PDE8B: variants seen among roughly 807,000 people sequenced by gnomAD.
The protein encoded by PDE8B is phosphodiesterase 8B.
A neutral mutation model predicts 101.3 loss-of-function variants in PDE8B; 26 were observed. The ratio of observed to expected loss-of-function variants is 0.26; its 90% CI spans 0.19 to 0.36. The LOEUF is 0.36. PDE8B is among the 10% of genes least tolerant of loss of function. PDE8B has a pLI of 1.00. For synonymous variants in PDE8B, 424 were observed against 429.3 expected (o/e 0.99, Z 0.15); for missense variants, 810 against 1,163.1 (o/e 0.70, Z 4.42).
chr5:77,331,165 G>A (rs1275884726), intron 4 of PDE8B, among the ~76,000 whole-genome samples: 1 of 152,210 alleles, frequency 6.6e-6, no homozygotes, highest in African/African-American at 2.4e-5. Context: ...GTGTACTGAG[G>A]GTGATACCTC....
At chr5:77,195,858 CAG>C in the PDE8B span, among the ~76,000 whole-genome samples, 7 of 152,100 alleles carry the variant, frequency 4.6e-5, no homozygotes, top group African/African-American at 1.7e-4. Context: ...GTTGAGTAAA[CAG>C]AGGACAAGGA....
the PDE8B span, among the ~76,000 whole-genome samples, chr5:77,116,224 A>ATTTTTTTT: frequency 6.7e-5 from 4 of 59,610 alleles, no homozygotes; most frequent in African/African-American, 7.2e-5. Flanking sequence ...ATATATATAT[A>ATTTTTTTT]TTTTTTTTTT....
chr5:77,226,703 T>A (rs1752463715), intron 1 of PDE8B, among the ~76,000 whole-genome samples: 1 of 152,222 alleles, frequency 6.6e-6, no homozygotes, highest in South Asian at 2.1e-4. Context: ...GTTTAGTAAT[T>A]GTAAAATAGT....
At chr5:77,394,090 A>G (rs958920865) in intron 10 of PDE8B, among the ~76,000 whole-genome samples, 3 of 152,264 alleles carry the variant, frequency 2.0e-5, no homozygotes, top group African/African-American at 7.2e-5. Context: ...CCATAAAGTA[A>G]GAATACTCAT....
chr5:77,335,292 A>G (rs1777928949), intron 5 of PDE8B, among the ~76,000 whole-genome samples: 2 of 152,182 alleles, frequency 1.3e-5, no homozygotes, highest in African/African-American at 2.4e-5. Context: ...GAGTTCTGTT[A>G]TAGGCTGATA....
At chr5:77,266,864 C>T (rs1328171588) in intron 1 of PDE8B, among the ~76,000 whole-genome samples, 1 of 151,004 alleles carries the variant, frequency 6.6e-6, no homozygotes, top group East Asian at 1.9e-4. Flanking sequence ...TTTCTTGAAT[C>T]TGTTTTTTTT....
intron 1 of PDE8B, among the ~76,000 whole-genome samples, chr5:77,243,199 T>C (rs1304387153): frequency 6.6e-6 from 1 of 152,160 alleles, no homozygotes; most frequent in African/African-American, 2.4e-5. Flanking sequence ...GAGGAGTGTC[T>C]AAGAAGATAT....
chr5:77,406,601 G>T (rs1208986212), intron 12 of PDE8B, among the ~76,000 whole-genome samples: 15 of 152,188 alleles, frequency 9.9e-5, no homozygotes, highest in Non-Finnish European at 1.5e-5. Context: ...GCAGCGGGGG[G>T]ACCCCAGAGG....
chr5:77,392,705 A>C (rs1013532933), intron 10 of PDE8B, among the ~76,000 whole-genome samples: 11 of 151,862 alleles, frequency 7.2e-5, no homozygotes, highest in Non-Finnish European at 1.0e-4. Context: ...TTAAAATCTC[A>C]TGCACTCTTC....
intron 1 of PDE8B, among the ~76,000 whole-genome samples, chr5:77,231,000 C>T (rs1052749795): frequency 5.3e-5 from 8 of 152,122 alleles, no homozygotes; most frequent in Admixed American, 1.3e-4. Context: ...ACTAAGATTT[C>T]GATTTGGTTC....
At chr5:77,394,988 C>T (rs910966164) in intron 10 of PDE8B, among the ~76,000 whole-genome samples, 12 of 152,256 alleles carry the variant, frequency 7.9e-5, no homozygotes, top group Admixed American at 2.6e-4. Context: ...ATTTTCCAAT[C>T]TAGGGTAAAT....
chr5:77,204,074 C>CTTTT, the PDE8B span, among the ~76,000 whole-genome samples: 8 of 81,286 alleles, frequency 9.8e-5, no homozygotes, highest in South Asian at 8.1e-4. Flanking sequence ...TTTTTTTGTA[C>CTTTT]CTTGACTAAG....
chr5:77,251,642 A>G (rs1758081396), intron 1 of PDE8B, among the ~76,000 whole-genome samples: 1 of 151,998 alleles, frequency 6.6e-6, no homozygotes, highest in African/African-American at 2.4e-5. Flanking sequence ...CTCCCTCTTG[A>G]ACTCCAAGTA....
At chr5:77,247,552 C>T (rs1314591307) in intron 1 of PDE8B, among the ~76,000 whole-genome samples, 2 of 152,140 alleles carry the variant, frequency 1.3e-5, no homozygotes, top group Non-Finnish European at 2.9e-5. Flanking sequence ...TCTGCATGTT[C>T]ATCAATATCA....
chr5:77,150,487 G>A, the PDE8B span, among the ~76,000 whole-genome samples: 1 of 152,026 alleles, frequency 6.6e-6, no homozygotes, highest in South Asian at 2.1e-4. Flanking sequence ...CTGCACCCAA[G>A]TCCTTGTCTC....
At chr5:77,200,715 C>T in the PDE8B span, among the ~76,000 whole-genome samples, 1 of 152,158 alleles carries the variant, frequency 6.6e-6, no homozygotes, top group Admixed American at 6.5e-5. Context: ...AATTCTCAGG[C>T]CTCGCAGTCT....
intron 10 of PDE8B, among the ~76,000 whole-genome samples, chr5:77,377,196 C>G (rs1320711703): frequency 6.6e-6 from 1 of 152,174 alleles, no homozygotes; most frequent in African/African-American, 2.4e-5. Flanking sequence ...AAACTAAAAT[C>G]AATCCTGAAA....
At chr5:77,410,780 C>A (rs1465025572) in intron 14 of PDE8B, 1 of 152,176 alleles carries the variant, frequency 6.6e-6, no homozygotes, top group African/African-American at 2.4e-5. Flanking sequence ...ATTAATACTA[C>A]TTTAAACCTT....
At chr5:77,400,461 CT>C (rs1270958011) in intron 11 of PDE8B, among the ~76,000 whole-genome samples, 171 bp downstream of exon 11, 1 of 152,186 alleles carries the variant, frequency 6.6e-6, no homozygotes, top group Admixed American at 6.5e-5. Flanking sequence ...GCAGAAATCC[CT>C]TAAAATGTCC....
Sources: gnomAD v4.1 joint callset for allele counts (sites outside exome capture counted in the v4.1 genomes callset) on GRCh38, gnomAD v4.1.1 for gene constraint, MANE v1.5 for transcripts, NCBI Gene and HGNC (gene_info 2026-07-23, HGNC 2026-07-21) for gene names.